The following USP46 variants were observed in gnomAD, a reference collection of about 807,000 sequenced individuals.
USP46 encodes ubiquitin specific peptidase 46.
A neutral mutation model predicts 44.4 loss-of-function variants in USP46; 12 were observed. That is an observed-to-expected ratio of 0.27 (90% CI 0.17 to 0.44). The LOEUF (loss-of-function observed/expected upper bound fraction) is 0.44. Among genes scored for constraint, USP46 ranks in the 20% least tolerant of loss-of-function variants. The pLI is 1.00. For missense variants in USP46, 248 were observed against 444.8 expected (o/e 0.56, Z 3.98); for synonymous variants, 155 against 161.5 (o/e 0.96, Z 0.31).
chr4:52,647,794 CCAG>C (rs1718605688), intron 1 of USP46, among the ~76,000 whole-genome samples: 1 of 152,204 alleles, frequency 6.6e-6, no homozygotes, highest in Non-Finnish European at 1.5e-5. Context: ...CCACTGCTCA[CCAG>C]CAGGAGTGGT....
chr4:52,600,369 C>T (rs555455029), intron 7 of USP46, among the ~76,000 whole-genome samples: 2 of 152,272 alleles, frequency 1.3e-5, no homozygotes, highest in South Asian at 2.1e-4. Context: ...CTTTCCAGTG[C>T]TACCTGGAAG....
At chr4:52,617,277 C>T (rs1717190321) in intron 4 of USP46, among the ~76,000 whole-genome samples, 1 of 152,072 alleles carries the variant, frequency 6.6e-6, no homozygotes, top group Non-Finnish European at 1.5e-5. Flanking sequence ...ACCTAAATGG[C>T]CCTTCTCTGA....
intron 4 of USP46, among the ~76,000 whole-genome samples, chr4:52,615,525 A>C (rs1717100205): frequency 6.6e-6 from 1 of 152,208 alleles, no homozygotes; most frequent in South Asian, 2.1e-4. Context: ...AAAACACATG[A>C]AGCTGGAACA....
chr4:52,619,301 A>AG (rs201907363), intron 4 of USP46, among the ~76,000 whole-genome samples: 1,758 of 107,138 alleles, frequency 0.016, 26 homozygotes, highest in East Asian at 0.064. Flanking sequence ...GAGACCCAGG[A>AG]AAAAAAAAAA....
intron 1 of USP46, among the ~76,000 whole-genome samples, chr4:52,656,142 T>C (rs895804903): frequency 6.6e-6 from 1 of 152,202 alleles, no homozygotes; most frequent in Non-Finnish European, 1.5e-5. Flanking sequence ...CTGTTCAAAA[T>C]ATGTTAAACG....
intron 2 of USP46, chr4:52,629,827 G>A (rs1717746362): frequency 9.3e-6 from 4 of 429,178 alleles, no homozygotes; most frequent in South Asian, 6.6e-5. Context: ...TTTACAGATG[G>A]GGAAATGGAG....
At chr4:52,641,713 C>T (rs1039519855) in intron 1 of USP46, among the ~76,000 whole-genome samples, 2 of 152,114 alleles carry the variant, frequency 1.3e-5, no homozygotes, top group Non-Finnish European at 2.9e-5. Context: ...GACCATGCCA[C>T]AGATTAAAAA....
At chr4:52,652,203 C>A (rs1385047171) in intron 1 of USP46, among the ~76,000 whole-genome samples, 1 of 152,182 alleles carries the variant, frequency 6.6e-6, no homozygotes, top group Non-Finnish European at 1.5e-5. Flanking sequence ...CAATGTCACA[C>A]CCATCAGACT....
intron 5 of USP46, among the ~76,000 whole-genome samples, chr4:52,606,257 C>G (rs1407826251): frequency 6.6e-6 from 1 of 152,148 alleles, no homozygotes. Context: ...GTCAATGACT[C>G]CTGAGAGAGA....
intron 7 of USP46, among the ~76,000 whole-genome samples, chr4:52,600,536 C>T (rs901473998): frequency 2.0e-5 from 3 of 152,198 alleles, no homozygotes; most frequent in Non-Finnish European, 4.4e-5. Flanking sequence ...GCTCACATTA[C>T]AGAAACTGAC....
chr4:52,621,351 A>C (rs1016069867), intron 4 of USP46, among the ~76,000 whole-genome samples: 2 of 152,186 alleles, frequency 1.3e-5, no homozygotes, highest in African/African-American at 4.8e-5. Flanking sequence ...AAGTGGGGTC[A>C]ACATTAGAAA....
chr4:52,623,146 G>A (rs1313780035), intron 4 of USP46, among the ~76,000 whole-genome samples: 1 of 152,122 alleles, frequency 6.6e-6, no homozygotes, highest in Non-Finnish European at 1.5e-5. Context: ...AGGAAGAAAA[G>A]TATCTTAAGG....
chr4:52,628,287 C>T, intron 2 of USP46, 124 bp from the exon 3 acceptor site: 2 of 846,486 alleles, frequency 2.4e-6, no homozygotes, highest in Non-Finnish European at 3.6e-6. Flanking sequence ...TATTGGAGTC[C>T]AGCTCACCAT....
chr4:52,655,015 C>A (rs544977715), intron 1 of USP46, among the ~76,000 whole-genome samples: 28 of 152,312 alleles, frequency 1.8e-4, no homozygotes, highest in African/African-American at 6.7e-4. Context: ...TGGAGAGACA[C>A]CCAATGGTGC....
intron 1 of USP46, among the ~76,000 whole-genome samples, chr4:52,644,724 C>A (rs1430165039): frequency 1.4e-4 from 18 of 129,538 alleles, no homozygotes; most frequent in African/African-American, 3.5e-4. Context: ...CGCTATCTTA[C>A]ATGATATTGA....
chr4:52,606,356 C>T (rs1013050517), intron 5 of USP46, among the ~76,000 whole-genome samples: 1 of 152,122 alleles, frequency 6.6e-6, no homozygotes, highest in Non-Finnish European at 1.5e-5. Context: ...ATACCTGAGA[C>T]TGGGTAATTT....
chr4:52,629,838 G>A (rs1324016609), intron 2 of USP46, among the ~76,000 whole-genome samples: 1 of 152,172 alleles, frequency 6.6e-6, no homozygotes, highest in Non-Finnish European at 1.5e-5. Flanking sequence ...GGAAATGGAG[G>A]CTCAGAGAGT....
rs1412851136 is a variant in USP46 at position 52,594,623 on chromosome 4, A to T, written c.*3017T>A. The stretch of plus-strand genomic sequence containing the variant: ...TCAAAATGCAATGTTGAAAGATAAA[A>T]TCCATCTGTAATAAAGCTACACTCC... On this transcript the variant is annotated 3_prime_UTR_variant, in exon 9 of 9. Transcript: ENST00000441222. The T allele has an allele frequency of 6.6e-6, 1 of 152,214 alleles. No individual in the cohort carries two copies. The highest frequency in any genetic ancestry group is 1.5e-5 in the Non-Finnish European group (1 of 68,032). The allele number at this position is 152,214 out of a possible 1,614,324, so 9.4% of individuals were successfully genotyped here.
Position 52,593,544 on chromosome 4 carries a change from G to A in USP46, c.*4096C>T, listed in dbSNP as rs1239151994. 1 of 152,288 alleles carries A rather than the reference G, an allele frequency of 6.6e-6. No individual in the cohort carries two copies. Among genetic ancestry groups the A allele is most frequent in the Non-Finnish European group, 1.5e-5 (1 of 68,078 alleles). The allele number at this position is 152,288 out of a possible 1,614,324, so 9.4% of individuals were successfully genotyped here. ...CCACAGGTGCCCTGGGTGATTGACAGGGAAAAGCAGCCCTACCCATAGTTA... is the reference window on the plus strand; with the variant it reads ...CCACAGGTGCCCTGGGTGATTGACAAGGAAAAGCAGCCCTACCCATAGTTA... On this transcript the variant is annotated 3_prime_UTR_variant, in exon 9 of 9. Transcript: ENST00000441222.
Sources: allele counts gnomAD v4.1 joint callset (sites outside exome capture counted in the v4.1 genomes callset), GRCh38; gene constraint gnomAD v4.1.1; transcripts MANE v1.5; gene names NCBI Gene and HGNC (gene_info 2026-07-23, HGNC 2026-07-21).